PRMT3: variants seen among roughly 807,000 people sequenced by gnomAD.
The protein encoded by PRMT3 is protein arginine methyltransferase 3, also known as protein arginine N-methyltransferase 3.
In PRMT3, 62 loss-of-function variants were observed where a neutral mutation model predicts 71.9. The observed-to-expected ratio is 0.86, with a 90% CI of 0.70 to 1.07. The LOEUF (loss-of-function observed/expected upper bound fraction) is 1.07, where lower values mean the gene tolerates loss of function less well. PRMT3 is among the 50% of genes least tolerant of loss of function. PRMT3 has a pLI of 0.00. For synonymous variants in PRMT3, 213 were observed against 220.4 expected, an observed-to-expected ratio of 0.97 and a Z score of 0.30; for missense variants, 663 against 643.0, an observed-to-expected ratio of 1.03 and a Z score of -0.34.
At chr11:20,449,192 T>C (rs974358504) in intron 10 of PRMT3, among the ~76,000 whole-genome samples, 4 of 152,186 alleles carry the variant, frequency 2.6e-5, no homozygotes, top group Non-Finnish European at 5.9e-5. Flanking sequence ...ATATTTTATC[T>C]CATGAATGTC....
At chr11:20,436,996 G>A (rs916056414) in intron 10 of PRMT3, among the ~76,000 whole-genome samples, 9 of 152,004 alleles carry the variant, frequency 5.9e-5, no homozygotes, top group Admixed American at 5.2e-4. Flanking sequence ...GTTCAATCTT[G>A]GTAGGTTGTA....
chr11:20,401,385 A>G (rs532586901), intron 7 of PRMT3, among the ~76,000 whole-genome samples: 4 of 152,274 alleles, frequency 2.6e-5, no homozygotes, highest in African/African-American at 4.8e-5. Context: ...ATATATATAC[A>G]TTTATTCATC....
intron 9 of PRMT3, among the ~76,000 whole-genome samples, chr11:20,421,578 C>T (rs1849425767): frequency 6.6e-6 from 1 of 152,160 alleles, no homozygotes; most frequent in South Asian, 2.1e-4. Flanking sequence ...GAATAAGTCT[C>T]CAAAAACCCT....
At chr11:20,462,652 G>C (rs531814289) in intron 12 of PRMT3, among the ~76,000 whole-genome samples, 29 of 152,072 alleles carry the variant, frequency 1.9e-4, no homozygotes, top group Non-Finnish European at 3.7e-4. Context: ...ACTATGTTCA[G>C]ATTTCTCAGT....
intron 7 of PRMT3, among the ~76,000 whole-genome samples, chr11:20,401,883 G>A (rs937142662): frequency 3.9e-5 from 6 of 152,030 alleles, no homozygotes; most frequent in African/African-American, 1.4e-4. Context: ...GGGCTCAAAT[G>A]ATTTACTTTT....
chr11:20,480,942 TA>T (rs1850916950), intron 13 of PRMT3, among the ~76,000 whole-genome samples: 1 of 152,182 alleles, frequency 6.6e-6, no homozygotes, highest in Non-Finnish European at 1.5e-5. Context: ...TAAGTAGTGA[TA>T]TCCAGTAGGA....
At chr11:20,477,702 T>TC (rs1486811373) in intron 13 of PRMT3, among the ~76,000 whole-genome samples, 2 of 152,160 alleles carry the variant, frequency 1.3e-5, no homozygotes, top group Non-Finnish European at 2.9e-5. Flanking sequence ...CCTTCTTCTT[T>TC]CTAAGCAGTA....
chr11:20,400,910 A>G (rs1848934499), intron 7 of PRMT3, among the ~76,000 whole-genome samples: 2 of 151,954 alleles, frequency 1.3e-5, no homozygotes, highest in Admixed American at 6.6e-5. Context: ...TTGTTAGAAT[A>G]AATTTTTAGA....
chr11:20,477,843 C>T (rs569035019), intron 13 of PRMT3, among the ~76,000 whole-genome samples: 3 of 136,964 alleles, frequency 2.2e-5, no homozygotes, highest in Non-Finnish European at 4.7e-5. Flanking sequence ...CAACCACCAG[C>T]TTCATCCACT....
chr11:20,392,130 T>TAAA, intron 3 of PRMT3, 81 bp from the exon 4 acceptor site: 2 of 1,339,564 alleles, frequency 1.5e-6, no homozygotes, highest in Non-Finnish European at 2.0e-6. Context: ...TATTGTTTAA[T>TAAA]CAGAGAAGGC....
intron 13 of PRMT3, among the ~76,000 whole-genome samples, chr11:20,469,454 T>A (rs1850591629): frequency 5.9e-5 from 9 of 152,230 alleles, no homozygotes; most frequent in Admixed American, 5.9e-4. Context: ...TTTTGAATAA[T>A]GCTTATTATA....
chr11:20,475,220 A>G (rs1364825579), intron 13 of PRMT3, among the ~76,000 whole-genome samples: 1 of 152,194 alleles, frequency 6.6e-6, no homozygotes, highest in Non-Finnish European at 1.5e-5. Flanking sequence ...TTTAAAAGAA[A>G]TTATTATTTC....
chr11:20,501,153 T>C (rs1851448760), intron 15 of PRMT3, among the ~76,000 whole-genome samples: 1 of 152,202 alleles, frequency 6.6e-6, no homozygotes, highest in Non-Finnish European at 1.5e-5. Flanking sequence ...CTGTAAAATT[T>C]AAATGTCTTC....
intron 9 of PRMT3, among the ~76,000 whole-genome samples, chr11:20,421,363 C>A (rs1402212595): frequency 6.6e-6 from 1 of 152,112 alleles, no homozygotes; most frequent in African/African-American, 2.4e-5. Flanking sequence ...TAACCTCCTC[C>A]CAGACAATGC....
In PRMT3 at chr11:20,423,867, C is replaced by T. The variant is rs1330982282; in HGVS notation, c.894-2899C>T. 1.7e-4 allele frequency among the ~76,000 whole-genome samples: 14 copies of T among 83,034 alleles called. No individual in the cohort carries two copies. In the Admixed American group the frequency reaches 1.8e-3, roughly 11 times the overall value. The allele number at this position is 83,034 out of a possible 152,430, so 54.5% of individuals were successfully genotyped here. A position where few individuals can be genotyped will look rare whatever the true frequency, so the allele number is the denominator to read the frequency against. ...CCAGCCTGAGTGACAGAGTGAGATT[C>T]TCTCTTAAAAAAAAAAAAAAAAAAA... On this transcript the variant is annotated intron_variant, in intron 9 of 15. Transcript: ENST00000331079.
chr11:20,486,282 T>C (rs1213310650), intron 13 of PRMT3, among the ~76,000 whole-genome samples: 1 of 152,218 alleles, frequency 6.6e-6, no homozygotes, highest in Non-Finnish European at 1.5e-5. Flanking sequence ...TGTTGAATTG[T>C]ACAATTTAAA....
At chr11:20,404,226 T>TG (rs1565196830) in intron 8 of PRMT3, among the ~76,000 whole-genome samples, 30 of 83,468 alleles carry the variant, frequency 3.6e-4, no homozygotes, top group African/African-American at 1.6e-3. Flanking sequence ...TTTTTTTTTT[T>TG]TTTTTTTTTT....
intron 5 of PRMT3, among the ~76,000 whole-genome samples, chr11:20,395,317 A>G (rs1411245707): frequency 6.6e-6 from 1 of 151,936 alleles, no homozygotes; most frequent in African/African-American, 2.4e-5. Flanking sequence ...ATTCAAATTA[A>G]AATAGTGTAG....
chr11:20,508,679 T>A lies in PRMT3; in HGVS notation c.*266T>A. 1 of 540,712 alleles carries A rather than the reference T, an allele frequency of 1.8e-6. No homozygotes were observed. The highest frequency in any genetic ancestry group is 3.5e-6 in the Non-Finnish European group (1 of 284,724). 33.5% of individuals were successfully genotyped at this position (540,712 alleles called of 1,614,324 possible). ...AACCAAATGTAACTCCCACATTGAG[T>A]TTATCTATATTGAAAATCATTTACA... On this transcript the variant is annotated 3_prime_UTR_variant, in exon 16 of 16. Transcript: ENST00000331079.
Sources: allele counts gnomAD v4.1 joint callset (sites outside exome capture counted in the v4.1 genomes callset), GRCh38; gene constraint gnomAD v4.1.1; transcripts MANE v1.5; gene names NCBI Gene and HGNC (gene_info 2026-07-23, HGNC 2026-07-21).